Variants in ANGPT1 observed in about 807,000 individuals in gnomAD.
ANGPT1 encodes the protein angiopoietin 1, also known as angiopoietin-1.
In ANGPT1, 17 loss-of-function variants were observed where a neutral mutation model predicts 62.2. That is an observed-to-expected ratio of 0.27 (90% confidence interval 0.19 to 0.41). The LOEUF (loss-of-function observed/expected upper bound fraction) is 0.41. Ranked by LOEUF, ANGPT1 falls within the 10% of genes least tolerant of loss-of-function variation. ANGPT1 has a pLI of 1.00. For missense variants in ANGPT1, 478 were observed against 594.9 expected (o/e 0.80, Z 2.04); for synonymous variants, 199 against 198.9 (o/e 1.00, Z 0.00).
chr8:107,330,850 C>A (rs1224963959), intron 3 of ANGPT1, among the ~76,000 whole-genome samples: 2 of 151,938 alleles, frequency 1.3e-5, no homozygotes, highest in Admixed American at 1.3e-4. Flanking sequence ...AATTGTATTT[C>A]ATGCCAAGAT....
intron 1 of ANGPT1, among the ~76,000 whole-genome samples, chr8:107,381,943 A>C (rs1470324619): frequency 6.6e-6 from 1 of 152,196 alleles, no homozygotes; most frequent in Non-Finnish European, 1.5e-5. Context: ...GTGAGTGGTC[A>C]AGAACATTTT....
At chr8:107,434,393 G>A (rs2130414263) in intron 1 of ANGPT1, among the ~76,000 whole-genome samples, 1 of 152,294 alleles carries the variant, frequency 6.6e-6, no homozygotes, top group South Asian at 2.1e-4. Context: ...AGGTTTTTAA[G>A]TGGGGGATTT....
chr8:107,359,492 A>G (rs1272761485), intron 1 of ANGPT1, among the ~76,000 whole-genome samples: 1 of 152,208 alleles, frequency 6.6e-6, no homozygotes, highest in East Asian at 1.9e-4. Flanking sequence ...AATTGATTCT[A>G]TAGTTATTCT....
chr8:107,488,157 T>C (rs1812862927), intron 1 of ANGPT1, among the ~76,000 whole-genome samples: 1 of 152,224 alleles, frequency 6.6e-6, no homozygotes, highest in Non-Finnish European at 1.5e-5. Flanking sequence ...TAAAACAATC[T>C]GCATTTGTTT....
intron 1 of ANGPT1, among the ~76,000 whole-genome samples, chr8:107,458,021 A>C (rs530023113): frequency 1.1e-4 from 17 of 152,246 alleles, no homozygotes; most frequent in South Asian, 4.1e-4. Flanking sequence ...AAAAAATAAA[A>C]TAAAAGGCCA....
intron 1 of ANGPT1, among the ~76,000 whole-genome samples, chr8:107,468,154 T>C (rs1812254596): frequency 6.6e-6 from 1 of 152,068 alleles, no homozygotes; most frequent in African/African-American, 2.4e-5. Context: ...TTCTCCTTTG[T>C]TGTGCATGAT....
rs549143835 is a variant in ANGPT1, at chr8:107,309,888, T to C, written c.809-6521A>G. 2.6e-5 allele frequency among the ~76,000 whole-genome samples: 4 copies of C among 152,250 alleles called. No individual in the cohort carries two copies. In the East Asian group the frequency reaches 5.8e-4, roughly 22 times the overall value. ...AGTATAACAAACACATACATTCTAT[T>C]CTTAAATACTCTTAATTTGAAGTCT... On this transcript the variant is annotated intron_variant, in intron 4 of 8. Transcript: ENST00000517746.
intron 1 of ANGPT1, among the ~76,000 whole-genome samples, chr8:107,468,741 T>C (rs1007412668): frequency 6.6e-6 from 1 of 152,052 alleles, no homozygotes; most frequent in African/African-American, 2.4e-5. Flanking sequence ...TCCTCAAATA[T>C]TACAGGAGGC....
intron 4 of ANGPT1, among the ~76,000 whole-genome samples, chr8:107,315,113 G>T (rs547776806): frequency 9.8e-4 from 149 of 152,190 alleles, no homozygotes; most frequent in African/African-American, 3.1e-3. Flanking sequence ...CCATAATAAT[G>T]ATCAAATGTT....
At chr8:107,308,627 G>A (rs184678712) in intron 4 of ANGPT1, among the ~76,000 whole-genome samples, 1 of 152,282 alleles carries the variant, frequency 6.6e-6, no homozygotes, top group Admixed American at 6.5e-5. Context: ...ATATAGAAAA[G>A]CTTATCTGAC....
intron 1 of ANGPT1, among the ~76,000 whole-genome samples, chr8:107,382,892 A>G (rs1165363759): frequency 6.6e-6 from 1 of 152,200 alleles, no homozygotes; most frequent in African/African-American, 2.4e-5. Flanking sequence ...TGTATATTTC[A>G]ATCTGAACAA....
intron 1 of ANGPT1, among the ~76,000 whole-genome samples, chr8:107,437,179 C>T (rs376859660): frequency 6.6e-6 from 1 of 152,064 alleles, no homozygotes; most frequent in Non-Finnish European, 1.5e-5. Flanking sequence ...TTTTGGTTGT[C>T]ATTTTAACTG....
At position 107,264,371 on chromosome 8, in the gene ANGPT1, A is replaced by C; in HGVS notation, c.1206-20T>G. 1 of 1,609,316 alleles carries C rather than the reference A, an allele frequency of 6.2e-7. No individual in the cohort carries two copies. The highest frequency in any genetic ancestry group is 8.5e-7 in the Non-Finnish European group (1 of 1,178,660). ...TACAACCTGAAGTCAAAAAGAAAAAAAAGAAAGATAAGCCATTCGACAGAA... is the reference window on the plus strand; with the variant it reads ...TACAACCTGAAGTCAAAAAGAAAAACAAGAAAGATAAGCCATTCGACAGAA... On this transcript the variant is annotated intron_variant, in intron 7 of 8. Transcript: ENST00000517746.
intron 3 of ANGPT1, among the ~76,000 whole-genome samples, chr8:107,335,256 C>T (rs1347991386): frequency 6.6e-6 from 1 of 152,142 alleles, no homozygotes; most frequent in Admixed American, 6.5e-5. Flanking sequence ...TAGGTGCCTT[C>T]CTGGTGTGGA....
intron 1 of ANGPT1, among the ~76,000 whole-genome samples, chr8:107,425,942 G>A (rs931948498): frequency 2.0e-5 from 3 of 152,166 alleles, no homozygotes; most frequent in African/African-American, 7.2e-5. Context: ...CAGGTTTTGT[G>A]GGGCCCCAGG....
At chr8:107,285,586 A>G (rs1814119384) in intron 6 of ANGPT1, among the ~76,000 whole-genome samples, 1 of 152,144 alleles carries the variant, frequency 6.6e-6, no homozygotes, top group Admixed American at 6.6e-5. Flanking sequence ...CTGAATGTCA[A>G]CATGACTTTA....
At chr8:107,399,943 TATAAATTA>T (rs1817012232) in intron 1 of ANGPT1, among the ~76,000 whole-genome samples, 1 of 152,146 alleles carries the variant, frequency 6.6e-6, no homozygotes, top group African/African-American at 2.4e-5. Context: ...AGCATGAAAG[TATAAATTA>T]GAGCGCTAGG....
chr8:107,466,372 T>A (rs1453806274), intron 1 of ANGPT1, among the ~76,000 whole-genome samples: 1 of 151,874 alleles, frequency 6.6e-6, no homozygotes, highest in Non-Finnish European at 1.5e-5. Flanking sequence ...TCCACAGAGA[T>A]GGACAACCTG....
At chr8:107,304,906 C>A (rs1386388808) in intron 4 of ANGPT1, among the ~76,000 whole-genome samples, 1 of 151,848 alleles carries the variant, frequency 6.6e-6, no homozygotes. Context: ...AATTAAAGGG[C>A]TACAGATTCA....
Sources: allele counts gnomAD v4.1 joint callset (sites outside exome capture counted in the v4.1 genomes callset), GRCh38; gene constraint gnomAD v4.1.1; transcripts MANE v1.5; gene names NCBI Gene and HGNC (gene_info 2026-07-23, HGNC 2026-07-21).